The following ACAD10 variants were observed in gnomAD, a reference collection of about 807,000 sequenced individuals.
ACAD10 encodes ACAD-10.
Under a neutral mutation model 116.8 loss-of-function variants are expected in ACAD10, and 112 were observed. The observed-to-expected ratio is 0.96, with a 90% CI of 0.82 to 1.12. ACAD10 has a LOEUF of 1.12. Among genes scored for constraint, ACAD10 ranks in the 50% most tolerant of loss-of-function variants. The pLI is 0.00. For synonymous variants in ACAD10, 486 were observed against 510.6 expected, an observed-to-expected ratio of 0.95 and a Z score of 0.65; for missense variants, 1,259 against 1,350.2, an observed-to-expected ratio of 0.93 and a Z score of 1.06.
At chr12:111,740,488 G>A (rs1180052833) in intron 12 of ACAD10, among the ~76,000 whole-genome samples, 11 of 146,362 alleles carry the variant, frequency 7.5e-5, no homozygotes, top group South Asian at 2.2e-4. Flanking sequence ...GGCCAGGTGC[G>A]GTGGCTCATG....
At chr12:111,694,930 C>T (rs1171073575) in intron 2 of ACAD10, among the ~76,000 whole-genome samples, 1 of 151,952 alleles carries the variant, frequency 6.6e-6, no homozygotes, top group South Asian at 2.1e-4. Context: ...TGAGGGGCTG[C>T]GGTGGGAGGA....
At chr12:111,732,985 T>A (rs1299303647) in intron 10 of ACAD10, among the ~76,000 whole-genome samples, 1 of 152,228 alleles carries the variant, frequency 6.6e-6, no homozygotes, top group Non-Finnish European at 1.5e-5. Context: ...GCTAGCATGC[T>A]GGCCCTGGGC....
chr12:111,697,080 CAA>C (rs5800932), intron 2 of ACAD10, among the ~76,000 whole-genome samples: 3 of 123,856 alleles, frequency 2.4e-5, no homozygotes, highest in Non-Finnish European at 1.7e-5. Context: ...GACTCCGTCT[CAA>C]AAAAAAAAAA....
intron 9 of ACAD10, among the ~76,000 whole-genome samples, 160 bp downstream of exon 9, chr12:111,728,303 T>C (rs1889284179): frequency 6.6e-6 from 1 of 152,198 alleles, no homozygotes; most frequent in Admixed American, 6.6e-5. Flanking sequence ...ATGGAGGTGT[T>C]GCTGACTTAG....
chr12:111,712,110 C>T (rs1276767300), intron 5 of ACAD10, among the ~76,000 whole-genome samples: 8 of 152,186 alleles, frequency 5.3e-5, no homozygotes. Flanking sequence ...CCAATGGAAA[C>T]TGGACACAGC....
At chr12:111,722,369 CTATT>C (rs200521229) in intron 8 of ACAD10, among the ~76,000 whole-genome samples, 2,893 of 150,606 alleles carry the variant, frequency 0.019, 97 homozygotes, top group African/African-American at 0.067. Flanking sequence ...CGGCCCTAAA[CTATT>C]TATTTATTTA....
intron 2 of ACAD10, among the ~76,000 whole-genome samples, chr12:111,700,738 C>T (rs1888324889): frequency 6.7e-6 from 1 of 148,208 alleles, no homozygotes; most frequent in African/African-American, 2.5e-5. Flanking sequence ...TTCCTTCCTT[C>T]CTTCCTCTTC....
intron 3 of ACAD10, among the ~76,000 whole-genome samples, chr12:111,705,147 AT>A (rs1393469046): frequency 6.6e-6 from 1 of 152,142 alleles, no homozygotes; most frequent in East Asian, 1.9e-4. Context: ...ATACTTTTAG[AT>A]TTCACTGTAT....
intron 10 of ACAD10, among the ~76,000 whole-genome samples, chr12:111,730,729 G>C (rs1418464310): frequency 6.6e-6 from 1 of 151,742 alleles, no homozygotes; most frequent in East Asian, 1.9e-4. Context: ...GACAGTGAAG[G>C]CTAATTTTAA....
At chr12:111,746,119 T>C (rs1386063455) in intron 13 of ACAD10, 25 bp from the exon 14 acceptor site, 2 of 1,602,988 alleles carry the variant, frequency 1.2e-6, no homozygotes, top group South Asian at 2.2e-5. Flanking sequence ...CACTGTGGTT[T>C]CCTGACTTAT....
chr12:111,703,932 T>C (rs1888423356), intron 3 of ACAD10, among the ~76,000 whole-genome samples: 1 of 150,320 alleles, frequency 6.7e-6, no homozygotes, highest in Non-Finnish European at 1.5e-5. Context: ...TATAAACATA[T>C]ATGTGTATAT....
chr12:111,749,496 T>C (rs964837051), intron 18 of ACAD10, 151 bp downstream of exon 18: 3 of 1,041,988 alleles, frequency 2.9e-6, no homozygotes, highest in Non-Finnish European at 4.1e-6. Context: ...CTGTCTGCTT[T>C]GCATCTGCTA....
At chr12:111,706,878 G>C (rs1330954005) in intron 4 of ACAD10, among the ~76,000 whole-genome samples, 1 of 147,402 alleles carries the variant, frequency 6.8e-6, no homozygotes, top group African/African-American at 2.5e-5. Flanking sequence ...GGCTCAAGCA[G>C]TTCTCCTGCC....
At chr12:111,748,112 A>G (rs1032067753) in intron 16 of ACAD10, among the ~76,000 whole-genome samples, 1 of 152,158 alleles carries the variant, frequency 6.6e-6, no homozygotes, top group Non-Finnish European at 1.5e-5. Context: ...TGCTCTTATG[A>G]TGTTGGATTC....
At chr12:111,697,724 T>G (rs367931211) in intron 2 of ACAD10, among the ~76,000 whole-genome samples, 92 of 151,806 alleles carry the variant, frequency 6.1e-4, no homozygotes, top group African/African-American at 2.2e-3. Flanking sequence ...TAGCTGGGAC[T>G]GCAGGCATCC....
chr12:111,728,162 C>G lies in ACAD10; in HGVS notation c.1243+19C>G. The G allele has an allele frequency of 6.3e-7, 1 of 1,575,668 alleles. No individual in the cohort carries two copies. The highest frequency in any genetic ancestry group is 8.6e-7 in the Non-Finnish European group (1 of 1,160,456). On this transcript the variant is annotated intron_variant, in intron 9 of 20. Coordinates refer to ENST00000313698, the MANE Select transcript of ACAD10 (RefSeq NM_025247.6). The stretch of plus-strand genomic sequence containing the variant: ...AAGCAAGGTGAGCAGGAGGCCACGT[C>G]TCCCATGCTGGTTGTTTCATCACTA...
rs141154493 is a variant in ACAD10, at chr12:111,692,841, G to A, written c.132G>A (p.Ala44=). 625 of 1,614,054 alleles carry A rather than the reference G, an allele frequency of 3.9e-4. 1 individual carries two copies. The highest frequency in any genetic ancestry group is 4.0e-4 in the Non-Finnish European group (475 of 1,180,034). Reference sequence around the variant, plus strand: ...ACCTTGGAGGCAGCACCTACAGAGCGGTGATTTTCGACATGGGCGGAGTTC... The same window carrying A: ...ACCTTGGAGGCAGCACCTACAGAGCAGTGATTTTCGACATGGGCGGAGTTC... ...WTHLGGSTYR[A]VIFDMGGVLI... The change falls in exon 2 of 21, where the codon GCG becomes GCA. Residue 44 remains alanine (A), a synonymous_variant. Coordinates refer to ENST00000313698, the MANE Select transcript of ACAD10 (RefSeq NM_025247.6).
At position 111,747,720 on chromosome 12, in the gene ACAD10, G is replaced by A. The variant is rs572615438; in HGVS notation, c.2485+335G>A. 4.8e-5 allele frequency: 55 copies of A among 1,142,452 alleles called. No homozygotes were observed. The South Asian group carries it at 6.5e-4, about 13-fold the overall frequency. The allele number at this position is 1,142,452 out of a possible 1,614,324, so 70.8% of individuals were successfully genotyped here. A position where few individuals can be genotyped will look rare whatever the true frequency, so the allele number is the denominator to read the frequency against. On this transcript the variant is annotated intron_variant, in intron 16 of 20. Coordinates refer to ENST00000313698, the MANE Select transcript of ACAD10 (RefSeq NM_025247.6). ...TTCCTTGGTGGCTTCCTGGCTCCTC[G>A]ATCAGGTGTGTTACATCCTAAGGGC...
At chr12:111,715,497 A>G (rs1052656756) in intron 6 of ACAD10, 1 of 295,286 alleles carries the variant, frequency 3.4e-6, no homozygotes, top group Non-Finnish European at 6.5e-6. Context: ...CTTGATAAAC[A>G]GAATGAACAT....
Sources: gnomAD v4.1 joint callset for allele counts (sites outside exome capture counted in the v4.1 genomes callset) on GRCh38, gnomAD v4.1.1 for gene constraint, MANE v1.5 for transcripts, NCBI Gene and HGNC (gene_info 2026-07-23, HGNC 2026-07-21) for gene names.